ABCC5: variants seen among roughly 807,000 people sequenced by gnomAD.
ABCC5 encodes the protein ATP binding cassette subfamily C member 5, also known as ATP-binding cassette sub-family C member 5.
Under a neutral mutation model 160.9 loss-of-function variants are expected in ABCC5, and 61 were observed. The ratio of observed to expected loss-of-function variants is 0.38; its 90% confidence interval spans 0.31 to 0.47. The LOEUF (loss-of-function observed/expected upper bound fraction) is 0.47. Ranked by LOEUF, ABCC5 falls within the 20% of genes least tolerant of loss-of-function variation. ABCC5 has a pLI of 0.99. For missense variants in ABCC5, 1,308 were observed against 1,813.3 expected, an observed-to-expected ratio of 0.72 and a Z score of 5.06; for synonymous variants, 666 against 700.6, an observed-to-expected ratio of 0.95 and a Z score of 0.78.
At chr3:183,975,852 C>G (rs1156758366) in intron 10 of ABCC5, among the ~76,000 whole-genome samples, 1 of 152,048 alleles carries the variant, frequency 6.6e-6, no homozygotes, top group Non-Finnish European at 1.5e-5. Context: ...ACCTGCTAAT[C>G]CAAGTCCTCA....
chr3:183,942,773 C>T lies in ABCC5; in HGVS notation c.3648G>A (p.Thr1216=), dbSNP rs775879277. Reference sequence around the variant, plus strand: ...TGCCAATCTTCTCTTTAGGTTTGATCGTGAAGGATACTTTCTTTAGGACGA... The same window carrying T: ...TGCCAATCTTCTCTTTAGGTTTGATTGTGAAGGATACTTTCTTTAGGACGA... The part of the protein sequence containing the change: ...LPLVLKKVSF[T]IKPKEKIGIV... The change falls in exon 25 of 30, where the codon ACG becomes ACA. Residue 1216 remains threonine (T), a synonymous_variant. Transcript: ENST00000334444. The T allele has an allele frequency of 8.7e-6, 14 of 1,614,106 alleles. No homozygotes were observed. Among genetic ancestry groups the T allele is most frequent in the Non-Finnish European group, 1.2e-5 (14 of 1,180,012 alleles).
At position 183,940,868 on chromosome 3, in the gene ABCC5, T is replaced by C. The variant is rs560920884; in HGVS notation, c.3694+1859A>G. Among the ~76,000 whole-genome samples, 9 of 152,094 alleles carry C rather than the reference T, an allele frequency of 5.9e-5. No homozygotes were observed. In the East Asian group the frequency reaches 1.7e-3, roughly 29 times the overall value. ...ATCAGGTTATTATTATTATTATTAT[T>C]ATTATTTGAGATGGAGTTTCGCTCT... On this transcript the variant is annotated intron_variant, in intron 25 of 29. Transcript: ENST00000334444.
chr3:183,929,300 G>A (rs922696357), intron 26 of ABCC5, among the ~76,000 whole-genome samples: 4 of 152,072 alleles, frequency 2.6e-5, no homozygotes, highest in Middle Eastern at 3.2e-3. Context: ...AGGTGTGGTG[G>A]TGGGCACCTG....
At chr3:183,985,319 G>A in intron 5 of ABCC5, 1 of 1,614,032 alleles carries the variant, frequency 6.2e-7, no homozygotes, top group Non-Finnish European at 8.5e-7. Context: ...CTCTTGGCGA[G>A]AGATTCTGCC....
chr3:183,937,675 C>T (rs780048885), intron 26 of ABCC5, among the ~76,000 whole-genome samples: 1 of 152,240 alleles, frequency 6.6e-6, no homozygotes, highest in African/African-American at 2.4e-5. Flanking sequence ...CTGGCCTCTT[C>T]AGCACTGTGT....
At chr3:183,930,600 C>T (rs767872006) in intron 26 of ABCC5, among the ~76,000 whole-genome samples, 23 of 152,092 alleles carry the variant, frequency 1.5e-4, no homozygotes, top group Non-Finnish European at 2.9e-4. Context: ...GAGATGGCCA[C>T]GTGAAGGCAG....
chr3:183,935,618 C>T (rs1028012630), intron 26 of ABCC5, among the ~76,000 whole-genome samples: 7 of 152,144 alleles, frequency 4.6e-5, no homozygotes, highest in African/African-American at 1.7e-4. Flanking sequence ...ATTCTCTTGC[C>T]TCAGCCTCTG....
intron 26 of ABCC5, among the ~76,000 whole-genome samples, chr3:183,932,153 G>C (rs6766986): frequency 0.065 from 9,951 of 152,226 alleles, 1,106 homozygotes; most frequent in African/African-American, 0.23. Flanking sequence ...TCTGTGCTGG[G>C]TGCTTCATAG....
chr3:183,947,168 CCA>C (rs1714917468), intron 23 of ABCC5, among the ~76,000 whole-genome samples, 154 bp downstream of exon 23: 2 of 152,198 alleles, frequency 1.3e-5, no homozygotes, highest in Admixed American at 1.3e-4. Context: ...CCAGTCAAAT[CCA>C]GATTGTTACG....
chr3:183,967,779 C>A lies in ABCC5; in HGVS notation c.1762-13G>T. The A allele has an allele frequency of 6.2e-7, 1 of 1,606,198 alleles. No homozygotes were observed. Among genetic ancestry groups the A allele is most frequent in the Non-Finnish European group, 8.5e-7 (1 of 1,172,954 alleles). ...CAACCAGTTTACCCTGGACAAGGCA[C>A]ACAGAGAGGAGGGTCATTTAGAGAC... On this transcript the variant is annotated splice_polypyrimidine_tract_variant and intron_variant, in intron 11 of 29. Coordinates refer to ENST00000334444, the MANE Select transcript of ABCC5 (RefSeq NM_005688.4).
intron 2 of ABCC5, among the ~76,000 whole-genome samples, chr3:184,001,619 C>A (rs777079843): frequency 1.3e-5 from 2 of 152,098 alleles, no homozygotes; most frequent in African/African-American, 2.4e-5. Context: ...GAACATCCTA[C>A]AATGCACAGG....
chr3:184,000,295 A>G (rs1182031361), intron 2 of ABCC5, among the ~76,000 whole-genome samples: 1 of 152,042 alleles, frequency 6.6e-6, no homozygotes, highest in Non-Finnish European at 1.5e-5. Context: ...GTGAGCCAAG[A>G]TCATGCCACT....
intron 2 of ABCC5, among the ~76,000 whole-genome samples, chr3:183,995,078 T>C (rs1720155818): frequency 6.6e-6 from 1 of 152,048 alleles, no homozygotes; most frequent in African/African-American, 2.4e-5. Context: ...ACTCCTGGGC[T>C]CAAGCGATCC....
At chr3:183,995,816 G>GTT (rs910034027) in intron 2 of ABCC5, among the ~76,000 whole-genome samples, 2 of 150,924 alleles carry the variant, frequency 1.3e-5, no homozygotes, top group African/African-American at 4.9e-5. Context: ...TCTTGTTGTT[G>GTT]TTTTTTTTTA....
chr3:183,973,106 G>A (rs1398630037), intron 10 of ABCC5, among the ~76,000 whole-genome samples: 1 of 144,336 alleles, frequency 6.9e-6, no homozygotes, highest in Non-Finnish European at 1.5e-5. Context: ...CCAGGCTGGA[G>A]TGCAGTGGTG....
Position 183,963,304 on chromosome 3 carries a change from A to T in ABCC5, c.2235+81T>A. 1 of 1,450,182 alleles carries T rather than the reference A, an allele frequency of 6.9e-7. No homozygotes were observed. The highest frequency in any genetic ancestry group is 9.7e-7 in the Non-Finnish European group (1 of 1,033,556). 89.8% of individuals were successfully genotyped at this position (1,450,182 alleles called of 1,614,324 possible). On this transcript the variant is annotated intron_variant, in intron 15 of 29. Coordinates refer to ENST00000334444, the MANE Select transcript of ABCC5 (RefSeq NM_005688.4). The surrounding 1 kb of genome is among the most constrained non-coding windows in gnomAD (Gnocchi z 4.6). ...TTCCAGGAATTTCTAGTTATAACAC[A>T]AGGATACCTGGAGCAAACCTACCTC...
rs748083470 is a variant in ABCC5, at chr3:183,953,229, G to A, written c.2524C>T (p.Pro842Ser). 2 of 1,613,780 alleles carry A rather than the reference G, an allele frequency of 1.2e-6. No homozygotes were observed. The highest frequency in any genetic ancestry group is 1.7e-5 in the Admixed American group (1 of 59,970). Residue 842 changes from proline (P) to serine (S), a missense_variant, in exon 18 of 30, where the codon CCC becomes TCC. By Grantham distance (74) the Pro-to-Ser change is moderately conservative (BLOSUM62 -1). Around this residue, in one of 3 missense-constraint regions of ABCC5, gnomAD observed 1,142 missense variants for 1,527.1 expected, o/e 0.75. Transcript: ENST00000334444. ...QLEEKGQGSV[P>S]WSVYGVYIQA... Reference sequence around the variant, plus strand: ...ATGTAGACACCATATACTGACCAGGGCACTGAACCCTGCCCTTTCTCTTCC... The same window carrying A: ...ATGTAGACACCATATACTGACCAGGACACTGAACCCTGCCCTTTCTCTTCC...
intron 2 of ABCC5, among the ~76,000 whole-genome samples, chr3:184,008,281 A>G (rs1253097050): frequency 6.6e-6 from 1 of 152,250 alleles, no homozygotes; most frequent in Non-Finnish European, 1.5e-5. Context: ...CATCTTAAAA[A>G]AAAATCAGGG....
In ABCC5 at chr3:183,945,888, G is replaced by T. The variant is rs780357789; in HGVS notation, c.3466C>A (p.Arg1156=). 1 of 1,614,080 alleles carries T rather than the reference G, an allele frequency of 6.2e-7. No homozygotes were observed. The highest frequency in any genetic ancestry group is 1.1e-5 in the South Asian group (1 of 91,060). The part of the protein sequence containing the change: ...TVRLASETEA[R]FTSVERINHY... ...TTGATCCTCTCCACCGAGGTGAATC[G>T]AGCTTCTGTCTCAGATGCCAGTCTG... The change falls in exon 24 of 30, where the codon CGA becomes AGA. Residue 1156 remains arginine (R), a synonymous_variant. Coordinates refer to ENST00000334444, the MANE Select transcript of ABCC5 (RefSeq NM_005688.4).
Sources: gnomAD v4.1 joint callset for allele counts (sites outside exome capture counted in the v4.1 genomes callset) on GRCh38, gnomAD v4.1.1 for gene constraint, gnomAD v4.1.1 regional missense constraint, Gnocchi (gnomAD v3.1) non-coding constraint, MANE v1.5 for transcripts, NCBI Gene and HGNC (gene_info 2026-07-23, HGNC 2026-07-21) for gene names.